Variants in LRP5 observed in about 807,000 individuals in gnomAD.
LRP5 encodes low-density lipoprotein receptor-related protein 5.
LRP5 carries 62 observed loss-of-function variants against 154.1 expected under a neutral mutation model. The observed-to-expected ratio is 0.40, with a 90% CI of 0.33 to 0.50. The LOEUF (loss-of-function observed/expected upper bound fraction) is 0.50. Ranked by LOEUF, LRP5 falls within the 20% of genes least tolerant of loss-of-function variation. LRP5 has a pLI of 0.55. For missense variants in LRP5, 1,915 were observed against 2,336.7 expected (o/e 0.82, Z 3.72); for synonymous variants, 966 against 1,011.5 (o/e 0.96, Z 0.85).
chr11:68,301,082 A>G, the LRP5 span, among the ~76,000 whole-genome samples: 1 of 147,466 alleles, frequency 6.8e-6, no homozygotes, highest in Non-Finnish European at 1.5e-5. Flanking sequence ...GACGTGCACC[A>G]CCACGTCTGG....
intron 7 of LRP5, among the ~76,000 whole-genome samples, chr11:68,396,283 G>A (rs1026701961): frequency 1.3e-5 from 2 of 152,172 alleles, no homozygotes; most frequent in African/African-American, 4.8e-5. Flanking sequence ...GCAACAAGGT[G>A]GCCAACCCAG....
Position 68,423,372 on chromosome 11 carries a change from A to AGCCAGTGCCCGGGGGTCTCC in LRP5, c.3028-116_3028-97dup. 2 of 922,808 alleles carry AGCCAGTGCCCGGGGGTCTCC rather than the reference A, an allele frequency of 2.2e-6. No homozygotes were observed. The highest frequency in any genetic ancestry group is 2.6e-5 in the South Asian group (2 of 76,532). The allele number at this position is 922,808 out of a possible 1,614,324, so 57.2% of individuals were successfully genotyped here. A position where few individuals can be genotyped will look rare whatever the true frequency, so the allele number is the denominator to read the frequency against. ...CTCCAGCCAGTGCCCAGGGCTCTCC[A>AGCCAGTGCCCGGGGGTCTCC]GCCAGTGCCCGGGGGTCTCCACCAG... On this transcript the variant is annotated intron_variant, in intron 13 of 22. Coordinates refer to ENST00000294304, the MANE Select transcript of LRP5 (RefSeq NM_002335.4). The surrounding 1 kb of genome is among the most constrained non-coding windows in gnomAD (Gnocchi z 4.7).
In LRP5 at chr11:68,416,402, G is replaced by C; in HGVS notation, c.2902G>C (p.Asp968His). The change falls in exon 13 of 23, where the codon GAT (aspartate) becomes CAT (histidine). Residue 968 changes from aspartate to histidine, a missense_variant. This residue lies in a region of LRP5 where 1,094 missense variants were observed against 1,210.1 expected (regional missense o/e 0.90). Coordinates refer to ENST00000294304, the MANE Select transcript of LRP5 (RefSeq NM_002335.4). Reference sequence around the variant, plus strand: ...GATCCCGGACGACCAGCACAGCCCGGATCTCATCCTGCCCCTGCATGGACT... The same window carrying C: ...GATCCCGGACGACCAGCACAGCCCGCATCTCATCCTGCCCCTGCATGGACT... ...RMIPDDQHSP[D>H]LILPLHGLRN... The C allele has an allele frequency of 6.2e-7, 1 of 1,614,164 alleles. No homozygotes were observed. Among genetic ancestry groups the C allele is most frequent in the Non-Finnish European group, 8.5e-7 (1 of 1,180,032 alleles).
intron 19 of LRP5, among the ~76,000 whole-genome samples, 179 bp downstream of exon 19, chr11:68,437,178 C>G (rs1193782673): frequency 6.6e-6 from 1 of 152,186 alleles, no homozygotes; most frequent in Admixed American, 6.5e-5. Context: ...GCCAGGAGGA[C>G]AGACTGTGAG....
intron 12 of LRP5, among the ~76,000 whole-genome samples, chr11:68,414,931 G>A (rs761150091): frequency 3.2e-4 from 49 of 152,224 alleles, no homozygotes; most frequent in Non-Finnish European, 5.9e-5. Context: ...CCTCCCTGGG[G>A]CCATGACCTT....
At chr11:68,331,870 C>A (rs949298004) in intron 1 of LRP5, among the ~76,000 whole-genome samples, 20 of 152,160 alleles carry the variant, frequency 1.3e-4, no homozygotes, top group African/African-American at 4.3e-4. Context: ...AGGCCAAGGG[C>A]AGGTTCCAGG....
chr11:68,396,210 A>G (rs2098649263), intron 7 of LRP5, among the ~76,000 whole-genome samples: 1 of 152,094 alleles, frequency 6.6e-6, no homozygotes, highest in Admixed American at 6.6e-5. Context: ...GGAGGTATAA[A>G]TGGGGTCAGG....
chr11:68,386,764 C>T lies in LRP5; in HGVS notation c.1412+52C>T, dbSNP rs576924297. Reference sequence around the variant, plus strand: ...GAGCCAGGGCCAGGCCAAGCACAGGCGAGAGGGAGATTGACCTGGACCTGT... The same window carrying T: ...GAGCCAGGGCCAGGCCAAGCACAGGTGAGAGGGAGATTGACCTGGACCTGT... On this transcript the variant is annotated intron_variant, in intron 6 of 22. Coordinates refer to ENST00000294304, the MANE Select transcript of LRP5 (RefSeq NM_002335.4). The surrounding 1 kb of genome is among the most constrained non-coding windows in gnomAD (Gnocchi z 7.9). The T allele has an allele frequency of 7.0e-6, 11 of 1,574,864 alleles. No homozygotes were observed. Among genetic ancestry groups the T allele is most frequent in the East Asian group, 4.5e-5 (2 of 44,376 alleles).
chr11:68,370,594 G>T (rs1164069116), intron 5 of LRP5, among the ~76,000 whole-genome samples: 3 of 152,224 alleles, frequency 2.0e-5, no homozygotes, highest in African/African-American at 7.2e-5. Flanking sequence ...AGAGCCGTCA[G>T]GGCCGCAGGG....
chr11:68,359,507 A>G (rs1224736478), intron 3 of LRP5, among the ~76,000 whole-genome samples: 3 of 152,236 alleles, frequency 2.0e-5, no homozygotes, highest in African/African-American at 7.2e-5. Flanking sequence ...GCCCTGGTCA[A>G]AGGATGGTGA....
chr11:68,444,386 G>A (rs1279717490), intron 21 of LRP5, among the ~76,000 whole-genome samples: 3 of 152,092 alleles, frequency 2.0e-5, no homozygotes, highest in Non-Finnish European at 4.4e-5. Flanking sequence ...GTGTGGTGGC[G>A]CATGCCTGTA....
At chr11:68,366,034 G>A (rs1179275885) in intron 5 of LRP5, among the ~76,000 whole-genome samples, 1 of 152,120 alleles carries the variant, frequency 6.6e-6, no homozygotes, top group East Asian at 1.9e-4. Flanking sequence ...TGGGGCACCG[G>A]CTGAGGATCT....
At chr11:68,311,968 C>T (rs1449980674), upstream of LRP5, among the ~76,000 whole-genome samples, 1 of 152,206 alleles carries the variant, frequency 6.6e-6, no homozygotes, top group Admixed American at 6.5e-5. Context: ...GAGGCCCTGG[C>T]GGGCTTGTTG....
At chr11:68,326,527 G>A (rs980135635) in intron 1 of LRP5, among the ~76,000 whole-genome samples, 4 of 152,230 alleles carry the variant, frequency 2.6e-5, no homozygotes, top group African/African-American at 7.2e-5. Context: ...TGGCCGTGAC[G>A]GTCAGTGCCT....
At chr11:68,396,056 G>C (rs900061390) in intron 7 of LRP5, among the ~76,000 whole-genome samples, 2 of 152,058 alleles carry the variant, frequency 1.3e-5, no homozygotes, top group African/African-American at 4.8e-5. Context: ...CGCAGTGTGT[G>C]CCAGCTGTGT....
At chr11:68,321,203 CT>C (rs149743439) in intron 1 of LRP5, among the ~76,000 whole-genome samples, 1,627 of 152,092 alleles carry the variant, frequency 0.011, 32 homozygotes, top group African/African-American at 0.037. Context: ...CCACAGACAC[CT>C]GGGTCCTGAT....
intron 22 of LRP5, 128 bp downstream of exon 22, chr11:68,446,661 C>A: frequency 1.2e-6 from 1 of 822,942 alleles, no homozygotes; most frequent in Non-Finnish European, 2.0e-6. Flanking sequence ...CGGGCCCAGC[C>A]CTGCCTCCCT....
At position 68,405,310 on chromosome 11, in the gene LRP5, G is replaced by GA. The variant is rs934731542; in HGVS notation, c.1802-1203dup. Among the ~76,000 whole-genome samples the GA allele has an allele frequency of 2.7e-3, 397 of 145,982 alleles. 1 individual carries two copies. The highest frequency in any genetic ancestry group is 8.7e-3 in the African/African-American group (349 of 39,974). ...ACATAGAGAGACCTCATCTCTACCA[G>GA]AAAAAAAAAAATTAGCCCGGCATGG... On this transcript the variant is annotated intron_variant, in intron 8 of 22. Coordinates refer to ENST00000294304, the MANE Select transcript of LRP5 (RefSeq NM_002335.4).
chr11:68,429,285 C>T (rs2098670642), intron 16 of LRP5, among the ~76,000 whole-genome samples: 1 of 152,214 alleles, frequency 6.6e-6, no homozygotes, highest in Middle Eastern at 3.4e-3. Context: ...GACAAGTGGG[C>T]AGTTCAGACT....
Sources: allele counts gnomAD v4.1 joint callset (sites outside exome capture counted in the v4.1 genomes callset), GRCh38; gene constraint gnomAD v4.1.1; regional missense constraint gnomAD v4.1.1; non-coding constraint Gnocchi (gnomAD v3.1); transcripts MANE v1.5; gene names NCBI Gene and HGNC (gene_info 2026-07-23, HGNC 2026-07-21).